Variants in PKHD1 observed in about 807,000 individuals in gnomAD.
PKHD1 encodes the protein PKHD1 ciliary IPT domain containing fibrocystin/polyductin, also known as fibrocystin.
PKHD1 carries 291 observed loss-of-function variants against 412.0 expected under a neutral mutation model. The observed-to-expected ratio is 0.71, with a 90% CI of 0.64 to 0.78. The LOEUF is 0.78. Ranked by LOEUF, PKHD1 falls within the 30% of genes least tolerant of loss-of-function variation. PKHD1 has a pLI of 0.00. For synonymous variants in PKHD1, 1,777 were observed against 1,821.5 expected, an observed-to-expected ratio of 0.98 and a Z score of 0.62; for missense variants, 4,825 against 4,950.7, an observed-to-expected ratio of 0.97 and a Z score of 0.76.
rs117875915 is a variant in PKHD1, at chr6:51,628,087, T to C, written c.11666-971A>G. Among the ~76,000 whole-genome samples the C allele has an allele frequency of 5.9e-5, 9 of 152,248 alleles. No homozygotes were observed. The East Asian group carries it at 1.7e-3, about 29-fold the overall frequency. ...ACCTTTTCTTTTTCTTTTTCAACTTTTATTTTAGGTTCAGGGGGTACATGT... is the reference window on the plus strand; with the variant it reads ...ACCTTTTCTTTTTCTTTTTCAACTTCTATTTTAGGTTCAGGGGGTACATGT... On this transcript the variant is annotated intron_variant, in intron 65 of 66. Transcript: ENST00000371117.
At chr6:51,734,983 T>G (rs1783663578) in intron 60 of PKHD1, among the ~76,000 whole-genome samples, 1 of 152,206 alleles carries the variant, frequency 6.6e-6, no homozygotes, top group Non-Finnish European at 1.5e-5. Flanking sequence ...TGTTTAGGAA[T>G]AGCTGTATAT....
intron 60 of PKHD1, among the ~76,000 whole-genome samples, chr6:51,719,338 C>A (rs1167539092): frequency 2.0e-5 from 3 of 152,030 alleles, no homozygotes; most frequent in Non-Finnish European, 4.4e-5. Context: ...GTAGGCAATC[C>A]TTCTTATGGT....
At chr6:51,770,059 G>T (rs1281026632) in intron 55 of PKHD1, among the ~76,000 whole-genome samples, 2 of 151,470 alleles carry the variant, frequency 1.3e-5, no homozygotes, top group Non-Finnish European at 1.5e-5. Context: ...TAAAGGAGTA[G>T]TTTGATACAT....
In PKHD1 at chr6:52,066,162, T is replaced by C. The variant is rs988072209; in HGVS notation, c.779-85A>G. On this transcript the variant is annotated intron_variant, in intron 11 of 66. Transcript: ENST00000371117. ...GATAATAATATAATAATAGGAGATA[T>C]TAATAATTTCTTACTTTAACTTTCT... 1.4e-4 allele frequency: 95 copies of C among 662,150 alleles called. 1 individual carries two copies. The African/African-American group carries it at 1.6e-3, about 11-fold the overall frequency. 41.0% of individuals were successfully genotyped at this position (662,150 alleles called of 1,614,324 possible). A position where few individuals can be genotyped will look rare whatever the true frequency, so the allele number is the denominator to read the frequency against.
intron 60 of PKHD1, among the ~76,000 whole-genome samples, chr6:51,727,736 G>A (rs188393142): frequency 1.3e-4 from 20 of 152,244 alleles, no homozygotes; most frequent in African/African-American, 3.6e-4. Context: ...GTCTCTTAGT[G>A]CATATGCCCA....
intron 55 of PKHD1, among the ~76,000 whole-genome samples, chr6:51,757,354 T>C (rs549466217): frequency 6.6e-6 from 1 of 152,288 alleles, no homozygotes; most frequent in East Asian, 1.9e-4. Flanking sequence ...TAAAAATCCA[T>C]AGAACTGTTT....
chr6:51,897,954 G>A (rs1282175576), intron 43 of PKHD1, among the ~76,000 whole-genome samples: 1 of 152,132 alleles, frequency 6.6e-6, no homozygotes, highest in South Asian at 2.1e-4. Flanking sequence ...AATTCAACAA[G>A]AAGAGTTAAC....
chr6:51,881,075 C>CT (rs371470393), intron 46 of PKHD1, among the ~76,000 whole-genome samples: 46,357 of 133,826 alleles, frequency 0.35, 8,077 homozygotes, highest in East Asian at 0.73. Flanking sequence ...CTTTTTCTTT[C>CT]TTTTTTTTTT....
At chr6:51,948,112 C>T (rs1174982365) in intron 36 of PKHD1, among the ~76,000 whole-genome samples, 3 of 152,172 alleles carry the variant, frequency 2.0e-5, no homozygotes, top group African/African-American at 4.8e-5. Flanking sequence ...CTTCTGGGGT[C>T]CAAGTCACTC....
At chr6:52,003,529 C>T (rs1423918286) in intron 35 of PKHD1, among the ~76,000 whole-genome samples, 1 of 152,120 alleles carries the variant, frequency 6.6e-6, no homozygotes, top group Non-Finnish European at 1.5e-5. Flanking sequence ...CTCCTTAACC[C>T]CCCAAAATCT....
rs1225870955 is a variant in PKHD1 at position 51,830,886 on chromosome 6, A to C, written c.8277T>G (p.Pro2759=). ...WGGYNNTIPG[P]GDDVLILPNR... is the part of the protein sequence containing the mutation. Reference sequence around the variant, plus strand: ...TGGGTAAAATGAGAACGTCATCCCCAGGGCCTGGAATGGTATTGTTGTATC... The same window carrying C: ...TGGGTAAAATGAGAACGTCATCCCCCGGGCCTGGAATGGTATTGTTGTATC... The change falls in exon 52 of 67, where the codon CCT becomes CCG. Residue 2759 remains proline (P), a synonymous_variant. Coordinates refer to ENST00000371117, the MANE Select transcript of PKHD1 (RefSeq NM_138694.4). The C allele has an allele frequency of 1.9e-6, 3 of 1,612,862 alleles. No homozygotes were observed. The South Asian group carries it at 3.3e-5, about 18-fold the overall frequency.
chr6:51,617,884 C>T lies in PKHD1; in HGVS notation c.*1197G>A, dbSNP rs1766198724. The T allele has an allele frequency of 6.6e-6, 1 of 152,094 alleles. No individual in the cohort carries two copies. The highest frequency in any genetic ancestry group is 2.1e-4 in the South Asian group (1 of 4,818). The allele number at this position is 152,094 out of a possible 1,614,324, so 9.4% of individuals were successfully genotyped here. Reference sequence around the variant, plus strand: ...CTTAACATTGTAGAGATTGGAAAATCCTGGTTTTCAGGATTTTCAGGAAAA... The same window carrying T: ...CTTAACATTGTAGAGATTGGAAAATTCTGGTTTTCAGGATTTTCAGGAAAA... On this transcript the variant is annotated 3_prime_UTR_variant, in exon 67 of 67. Transcript: ENST00000371117.
intron 35 of PKHD1, among the ~76,000 whole-genome samples, chr6:51,972,155 C>CT (rs978303003): frequency 2.6e-5 from 4 of 151,966 alleles, no homozygotes; most frequent in Non-Finnish European, 4.4e-5. Flanking sequence ...AGAGGATTTT[C>CT]TTTTTTTTAT....
At chr6:51,986,541 G>A (rs1796238343) in intron 35 of PKHD1, among the ~76,000 whole-genome samples, 1 of 152,208 alleles carries the variant, frequency 6.6e-6, no homozygotes, top group Non-Finnish European at 1.5e-5. Flanking sequence ...ACCTGGGATA[G>A]AGTTATTATT....
At chr6:51,760,776 C>A (rs1388992925) in intron 55 of PKHD1, among the ~76,000 whole-genome samples, 2 of 151,990 alleles carry the variant, frequency 1.3e-5, no homozygotes, top group Non-Finnish European at 2.9e-5. Context: ...TTATGACATT[C>A]AATTTAAAGG....
chr6:52,018,241 G>A (rs1016549022), intron 33 of PKHD1, among the ~76,000 whole-genome samples: 9 of 151,944 alleles, frequency 5.9e-5, no homozygotes, highest in East Asian at 1.9e-4. Flanking sequence ...TACTAAAAAC[G>A]TACAAAATTT....
At chr6:52,027,212 G>A (rs759262539) in intron 31 of PKHD1, among the ~76,000 whole-genome samples, 6 of 152,026 alleles carry the variant, frequency 3.9e-5, no homozygotes, top group Admixed American at 6.6e-5. Context: ...CCCATCAGAC[G>A]TTTCATCCTC....
intron 63 of PKHD1, among the ~76,000 whole-genome samples, chr6:51,639,382 A>G (rs1769037292): frequency 6.6e-6 from 1 of 152,108 alleles, no homozygotes; most frequent in South Asian, 2.1e-4. Flanking sequence ...TATAATATAT[A>G]AAGAAAGAAA....
intron 63 of PKHD1, among the ~76,000 whole-genome samples, chr6:51,646,624 A>C (rs1770118043): frequency 6.6e-6 from 1 of 152,176 alleles, no homozygotes; most frequent in African/African-American, 2.4e-5. Flanking sequence ...TCTCATCATA[A>C]AAACTCTTGC....
Sources: allele counts gnomAD v4.1 joint callset (sites outside exome capture counted in the v4.1 genomes callset), GRCh38; gene constraint gnomAD v4.1.1; transcripts MANE v1.5; gene names NCBI Gene and HGNC (gene_info 2026-07-23, HGNC 2026-07-21).